Variants in C16orf96 observed in about 807,000 individuals in gnomAD.
C16orf96 encodes chromosome 16 open reading frame 96, also known as uncharacterized protein C16orf96.
In C16orf96, 108 loss-of-function variants were observed where a neutral mutation model predicts 103.6. The observed-to-expected ratio is 1.04, with a 90% CI of 0.89 to 1.22. The LOEUF (loss-of-function observed/expected upper bound fraction) is 1.22. Ranked by LOEUF, C16orf96 falls within the 50% of genes most tolerant of loss-of-function variation. The pLI is 0.00. For synonymous variants in C16orf96, 566 were observed against 593.5 expected (o/e 0.95, Z 0.67); for missense variants, 1,586 against 1,464.2 (o/e 1.08, Z -1.36).
intron 2 of C16orf96, among the ~76,000 whole-genome samples, chr16:4,574,349 A>G (rs1219244456): frequency 6.6e-6 from 1 of 152,026 alleles, no homozygotes; most frequent in Non-Finnish European, 1.5e-5. Flanking sequence ...CAGCTTCCTG[A>G]TAGCTGGGAT....
chr16:4,555,199 G>T (rs1291489663), upstream of C16orf96, among the ~76,000 whole-genome samples: 2 of 150,396 alleles, frequency 1.3e-5, no homozygotes, highest in South Asian at 2.1e-4. Context: ...GGAGGCGGAG[G>T]TTGCAGTGAG....
rs568425453 is a variant in C16orf96 at position 4,575,438 on chromosome 16, T to C, written c.958T>C (p.Cys320Arg). The change falls in exon 5 of 16, where the codon TGC becomes CGC. Residue 320 changes from cysteine to arginine, a missense_variant. Coordinates refer to ENST00000444310, the MANE Select transcript of C16orf96 (RefSeq NM_001145011.2). ...CCTCACGCCTGAGTCTGCACCTGGG[T>C]GCACAACTGAATTTGCACCTGGGCC... ...PALTPESAPGCTTEFAPGPAP... is the reference protein window; with the variant it reads ...PALTPESAPGRTTEFAPGPAP... 3 of 1,549,390 alleles carry C rather than the reference T, an allele frequency of 1.9e-6. No individual in the cohort carries two copies. The South Asian group carries it at 3.6e-5, about 18-fold the overall frequency.
intron 14 of C16orf96, among the ~76,000 whole-genome samples, chr16:4,598,990 A>T (rs1298035377): frequency 6.6e-6 from 1 of 151,896 alleles, no homozygotes; most frequent in Non-Finnish European, 1.5e-5. Flanking sequence ...GTAGTGGGGC[A>T]CACCTGTAGT....
intron 7 of C16orf96, among the ~76,000 whole-genome samples, chr16:4,584,077 A>G (rs1235104168): frequency 6.6e-6 from 1 of 152,198 alleles, no homozygotes; most frequent in Non-Finnish European, 1.5e-5. Flanking sequence ...TAAGTCCGAT[A>G]GCAATCCTCT....
chr16:4,556,374 T>G lies in C16orf96; in HGVS notation c.-116T>G, dbSNP rs546724858. ...GCCATTCCTCCCTGACTGCTGTGAC[T>G]CACCACCACCCCAGGCCTCTGAGGA... On this transcript the variant is annotated 5_prime_UTR_variant, in exon 1 of 16. Transcript: ENST00000444310. 5.5e-6 allele frequency: 6 copies of G among 1,091,068 alleles called. No homozygotes were observed. The African/African-American group carries it at 9.5e-5, about 17-fold the overall frequency. 67.6% of individuals were successfully genotyped at this position (1,091,068 alleles called of 1,614,324 possible).
the C16orf96 span, among the ~76,000 whole-genome samples, chr16:4,550,534 T>A: frequency 2.0e-5 from 3 of 152,190 alleles, no homozygotes; most frequent in Non-Finnish European, 4.4e-5. Flanking sequence ...TCAAACAAAA[T>A]CATGTACTCA....
At chr16:4,553,545 G>T (rs763068710), upstream of C16orf96, among the ~76,000 whole-genome samples, 2 of 152,010 alleles carry the variant, frequency 1.3e-5, no homozygotes, top group African/African-American at 2.4e-5. Flanking sequence ...ACCGTGTTGT[G>T]CAGGCTGGTC....
chr16:4,540,870 A>G, the C16orf96 span, among the ~76,000 whole-genome samples: 2 of 151,698 alleles, frequency 1.3e-5, no homozygotes, highest in Non-Finnish European at 2.9e-5. Context: ...CAGCCTCCCA[A>G]GTAGCTGGGA....
intron 7 of C16orf96, among the ~76,000 whole-genome samples, chr16:4,583,779 G>T (rs965834286): frequency 2.0e-5 from 3 of 151,724 alleles, no homozygotes; most frequent in African/African-American, 7.3e-5. Context: ...AAAAAAATTA[G>T]CCAGGCGTGG....
chr16:4,590,474 G>A (rs1186959699), intron 9 of C16orf96, among the ~76,000 whole-genome samples: 6 of 151,548 alleles, frequency 4.0e-5, no homozygotes, highest in African/African-American at 9.7e-5. Context: ...AAGGAGAATC[G>A]CTTGAACCCG....
At chr16:4,583,662 C>T (rs1179250225) in intron 7 of C16orf96, among the ~76,000 whole-genome samples, 1 of 151,944 alleles carries the variant, frequency 6.6e-6, no homozygotes, top group Non-Finnish European at 1.5e-5. Context: ...GTGGCTCACA[C>T]TTGTAATTCC....
chr16:4,578,039 G>A (rs1006339428), intron 5 of C16orf96, among the ~76,000 whole-genome samples: 2 of 152,138 alleles, frequency 1.3e-5, no homozygotes, highest in Non-Finnish European at 2.9e-5. Context: ...GAGCCTAGCA[G>A]TTCAAGACTG....
chr16:4,564,537 G>A (rs138719806), intron 1 of C16orf96, among the ~76,000 whole-genome samples: 123 of 152,308 alleles, frequency 8.1e-4, no homozygotes, highest in South Asian at 4.3e-3. Context: ...AAGGCTGGGC[G>A]TGGTGGTTTA....
At chr16:4,599,757 G>A (rs1897246251) in intron 15 of C16orf96, among the ~76,000 whole-genome samples, 1 of 152,228 alleles carries the variant, frequency 6.6e-6, no homozygotes, top group Non-Finnish European at 1.5e-5. Context: ...CCATTTCACA[G>A]AGGAGGGAGC....
In C16orf96 at chr16:4,594,320, A is replaced by G. The variant is rs140187363; in HGVS notation, c.2868-31A>G. On this transcript the variant is annotated intron_variant, in intron 12 of 15. Transcript: ENST00000444310. ...CTGGGCTCTGGGGTACAGGGTCTCC[A>G]GGTCGCTGCTGACCCACTGCCCTGC... 242 of 1,546,690 alleles carry G rather than the reference A, an allele frequency of 1.6e-4. 1 individual carries two copies. In the African/African-American group the frequency reaches 2.7e-3, roughly 17 times the overall value.
At chr16:4,545,305 C>T in the C16orf96 span, among the ~76,000 whole-genome samples, 2 of 152,288 alleles carry the variant, frequency 1.3e-5, no homozygotes, top group East Asian at 1.9e-4. Context: ...CTCCTGAGCT[C>T]AAGTGATCCT....
rs1897080215 is a variant in C16orf96, at chr16:4,592,387, G to A, written c.2774+20G>A. ...TGGCCCGTGAGTACCACCGCCCAGG[G>A]TGCCCCGGCCCTAAGGGCTTGTGGG... On this transcript the variant is annotated intron_variant, in intron 11 of 15. Coordinates refer to ENST00000444310, the MANE Select transcript of C16orf96 (RefSeq NM_001145011.2). The A allele has an allele frequency of 1.6e-5, 25 of 1,551,290 alleles. No individual in the cohort carries two copies. The highest frequency in any genetic ancestry group is 2.2e-5 in the Non-Finnish European group (25 of 1,146,992).
chr16:4,574,862 G>A, intron 3 of C16orf96, 73 bp downstream of exon 3: 1 of 1,527,076 alleles, frequency 6.5e-7, no homozygotes. Flanking sequence ...GGGTGCTGAG[G>A]GTAGGGAGGT....
At chr16:4,540,362 T>C in the C16orf96 span, among the ~76,000 whole-genome samples, 1 of 152,066 alleles carries the variant, frequency 6.6e-6, no homozygotes, top group East Asian at 1.9e-4. Context: ...AGGGATTGCC[T>C]TGGGTGAGAG....
Sources: gnomAD v4.1 joint callset for allele counts (sites outside exome capture counted in the v4.1 genomes callset) on GRCh38, gnomAD v4.1.1 for gene constraint, MANE v1.5 for transcripts, NCBI Gene and HGNC (gene_info 2026-07-23, HGNC 2026-07-21) for gene names.